CNBD1: variants seen among roughly 807,000 people sequenced by gnomAD.
CNBD1 encodes the protein cyclic nucleotide binding domain containing 1.
CNBD1 carries 71 observed loss-of-function variants against 54.4 expected under a neutral mutation model. The observed-to-expected ratio is 1.30, with a 90% CI of 1.08 to 1.59. The LOEUF (loss-of-function observed/expected upper bound fraction) is 1.59. Ranked by LOEUF, CNBD1 falls within the 40% of genes most tolerant of loss-of-function variation. The pLI, the probability that CNBD1 is intolerant of heterozygous loss-of-function variation, is 0.00. For synonymous variants in CNBD1, 182 were observed against 170.7 expected (o/e 1.07, Z -0.51); for missense variants, 659 against 518.0 (o/e 1.27, Z -2.64).
chr8:87,271,059 T>C (rs1200374053), intron 6 of CNBD1, among the ~76,000 whole-genome samples: 1 of 151,772 alleles, frequency 6.6e-6, no homozygotes, highest in East Asian at 1.9e-4. Context: ...TTTGTCGTTG[T>C]ATAGTTGTTT....
intron 3 of CNBD1, among the ~76,000 whole-genome samples, chr8:86,919,902 T>G (rs984758538): frequency 6.6e-6 from 1 of 152,100 alleles, no homozygotes; most frequent in Non-Finnish European, 1.5e-5. Flanking sequence ...TGGCCTGAGA[T>G]TCTGTGTTTC....
chr8:87,401,090 G>T (rs1037006649), intron 2 of CNBD1, among the ~76,000 whole-genome samples: 1 of 151,950 alleles, frequency 6.6e-6, no homozygotes, highest in Non-Finnish European at 1.5e-5. Flanking sequence ...ACAAAAGCTT[G>T]CAGTGAGGCA....
At chr8:87,224,932 G>A (rs1814443212) in intron 5 of CNBD1, among the ~76,000 whole-genome samples, 1 of 152,110 alleles carries the variant, frequency 6.6e-6, no homozygotes, top group Non-Finnish European at 1.5e-5. Context: ...GCAGTGGTTT[G>A]TAATTCTCCT....
intron 4 of CNBD1, among the ~76,000 whole-genome samples, chr8:87,127,678 C>T (rs550917498): frequency 6.6e-6 from 1 of 152,216 alleles, no homozygotes; most frequent in Admixed American, 6.5e-5. Context: ...ACCTCCACTT[C>T]AATGTTTAAC....
chr8:87,150,421 A>G (rs190651572), intron 4 of CNBD1, among the ~76,000 whole-genome samples: 3 of 152,300 alleles, frequency 2.0e-5, no homozygotes, highest in Admixed American at 2.0e-4. Flanking sequence ...AAACCATATT[A>G]GATTAATATT....
At chr8:87,292,628 A>C (rs1563540263) in intron 8 of CNBD1, among the ~76,000 whole-genome samples, 1 of 152,194 alleles carries the variant, frequency 6.6e-6, no homozygotes, top group South Asian at 2.1e-4. Context: ...TATATGGCTC[A>C]ATGCCTCTTC....
At chr8:86,976,006 C>T (rs919631413) in intron 4 of CNBD1, among the ~76,000 whole-genome samples, 2 of 151,514 alleles carry the variant, frequency 1.3e-5, no homozygotes, top group Non-Finnish European at 3.0e-5. Context: ...TTTTTCATAC[C>T]TGTTGACCAC....
chr8:87,331,089 T>G (rs916838921), intron 8 of CNBD1, among the ~76,000 whole-genome samples: 1 of 152,174 alleles, frequency 6.6e-6, no homozygotes, highest in Non-Finnish European at 1.5e-5. Context: ...AGGATACATG[T>G]GCAGAACATG....
chr8:87,343,433 T>A (rs1170833927), intron 8 of CNBD1, among the ~76,000 whole-genome samples: 1 of 152,242 alleles, frequency 6.6e-6, no homozygotes, highest in East Asian at 1.9e-4. Flanking sequence ...TTTTGGGAAC[T>A]AATAAATGTC....
chr8:87,393,662 G>C (rs1359627293), intron 2 of CNBD1, among the ~76,000 whole-genome samples: 1 of 151,862 alleles, frequency 6.6e-6, no homozygotes, highest in Non-Finnish European at 1.5e-5. Context: ...AATGTAGTAT[G>C]TGCAATAGAC....
At chr8:87,372,090 C>G (rs1171423796) in intron 10 of CNBD1, among the ~76,000 whole-genome samples, 2 of 151,996 alleles carry the variant, frequency 1.3e-5, no homozygotes, top group Non-Finnish European at 2.9e-5. Flanking sequence ...CAGAAAACCC[C>G]ACTGTCTCAG....
chr8:86,954,815 G>A (rs562737229), intron 4 of CNBD1, among the ~76,000 whole-genome samples: 5 of 152,266 alleles, frequency 3.3e-5, no homozygotes, highest in Admixed American at 1.3e-4. Flanking sequence ...CTGTAAAGCA[G>A]GAAAGTTGAA....
chr8:87,158,602 T>G (rs1812792399), intron 4 of CNBD1, among the ~76,000 whole-genome samples: 1 of 152,136 alleles, frequency 6.6e-6, no homozygotes, highest in Admixed American at 6.6e-5. Flanking sequence ...ATTTTAATGA[T>G]CTCATCAACT....
At chr8:86,999,884 C>T (rs1808957457) in intron 4 of CNBD1, among the ~76,000 whole-genome samples, 1 of 152,200 alleles carries the variant, frequency 6.6e-6, no homozygotes, top group South Asian at 2.1e-4. Context: ...TGGGGCAGAA[C>T]CAGGGGCACA....
chr8:86,904,573 T>C (rs1314671836), intron 2 of CNBD1, among the ~76,000 whole-genome samples: 1 of 152,092 alleles, frequency 6.6e-6, no homozygotes, highest in African/African-American at 2.4e-5. Flanking sequence ...ATCAGAAATT[T>C]TTACTTACAA....
At chr8:87,223,929 C>A (rs1814411020) in intron 5 of CNBD1, among the ~76,000 whole-genome samples, 1 of 152,164 alleles carries the variant, frequency 6.6e-6, no homozygotes, top group Non-Finnish European at 1.5e-5. Flanking sequence ...TTAATGATCG[C>A]CATTCTAACT....
chr8:87,157,538 C>G (rs531093547), intron 4 of CNBD1, among the ~76,000 whole-genome samples: 1 of 152,202 alleles, frequency 6.6e-6, no homozygotes, highest in South Asian at 2.1e-4. Context: ...ATTTGGTATT[C>G]TTTTGCATTC....
chr8:87,174,372 A>C (rs74576239), intron 4 of CNBD1, among the ~76,000 whole-genome samples: 5,626 of 152,236 alleles, frequency 0.037, 369 homozygotes, highest in African/African-American at 0.12. Flanking sequence ...TTTCTGATGC[A>C]TTCTTCAGTA....
At chr8:87,390,757 T>C (rs561142398) in intron 2 of CNBD1, among the ~76,000 whole-genome samples, 6,531 of 151,952 alleles carry the variant, frequency 0.043, 180 homozygotes, top group Non-Finnish European at 0.059. Flanking sequence ...ACCCGAAGGC[T>C]TATAAAACAT....
Sources: gnomAD v4.1 joint callset for allele counts (sites outside exome capture counted in the v4.1 genomes callset) on GRCh38, gnomAD v4.1.1 for gene constraint, MANE v1.5 for transcripts, NCBI Gene and HGNC (gene_info 2026-07-23, HGNC 2026-07-21) for gene names.